The following GLRB variants were observed in gnomAD, a reference collection of about 807,000 sequenced individuals.
GLRB encodes the protein glycine receptor beta.
A neutral mutation model predicts 54.2 loss-of-function variants in GLRB; 33 were observed. The ratio of observed to expected loss-of-function variants is 0.61; its 90% confidence interval spans 0.46 to 0.81. The LOEUF (loss-of-function observed/expected upper bound fraction) is 0.81. GLRB is among the 40% of genes least tolerant of loss of function. The pLI is 0.00. For missense variants in GLRB, 572 were observed against 584.6 expected (o/e 0.98, Z 0.22); for synonymous variants, 209 against 208.2 (o/e 1.00, Z -0.03).
chr4:157,117,070 C>T (rs1365680227), intron 2 of GLRB, among the ~76,000 whole-genome samples: 1 of 151,534 alleles, frequency 6.6e-6, no homozygotes, highest in African/African-American at 2.4e-5. Flanking sequence ...AGTTGAAAAA[C>T]ATTTGGAGAT....
chr4:157,159,928 C>G (rs1471583235), intron 9 of GLRB, among the ~76,000 whole-genome samples: 3 of 152,102 alleles, frequency 2.0e-5, no homozygotes, highest in African/African-American at 7.2e-5. Context: ...CTCTTTGTAC[C>G]TCTGGTAGAA....
At chr4:157,130,383 T>A (rs906365591) in intron 4 of GLRB, among the ~76,000 whole-genome samples, 7 of 151,712 alleles carry the variant, frequency 4.6e-5, no homozygotes, top group African/African-American at 1.7e-4. Context: ...TTCTTAGGAT[T>A]TTTTTCTTTT....
chr4:157,149,370 C>T (rs1046326405), intron 8 of GLRB, among the ~76,000 whole-genome samples: 20 of 152,142 alleles, frequency 1.3e-4, no homozygotes, highest in African/African-American at 4.3e-4. Flanking sequence ...TAAGCTATTT[C>T]GCCAAGTATG....
At chr4:157,162,815 C>T (rs948071626) in intron 9 of GLRB, among the ~76,000 whole-genome samples, 18 of 152,184 alleles carry the variant, frequency 1.2e-4, no homozygotes, top group Non-Finnish European at 1.5e-5. Flanking sequence ...TCTGTCCATT[C>T]TCAGATCTCA....
chr4:157,095,510 T>C (rs1734778023), intron 2 of GLRB, among the ~76,000 whole-genome samples: 1 of 151,984 alleles, frequency 6.6e-6, no homozygotes, highest in African/African-American at 2.4e-5. Flanking sequence ...GAGGTATACA[T>C]TTAAAGAGTT....
At position 157,085,663 on chromosome 4, in the gene GLRB, A is replaced by AT. The variant is rs535849872; in HGVS notation, c.122+7524dup. ...AGGTGCGTGCCACCACACCCTGCCAATTTTTTTGTGTTTTCAGTAGAGATG... is the reference window on the plus strand; with the variant it reads ...AGGTGCGTGCCACCACACCCTGCCAATTTTTTTTGTGTTTTCAGTAGAGATG... On this transcript the variant is annotated intron_variant, in intron 2 of 9. Transcript: ENST00000264428. Among the ~76,000 whole-genome samples, 295 of 151,734 alleles carry AT rather than the reference A, an allele frequency of 1.9e-3. 1 individual carries two copies. Among genetic ancestry groups the AT allele is most frequent in the African/African-American group, 5.0e-3 (205 of 41,362 alleles).
chr4:157,164,394 A>G lies in GLRB; in HGVS notation c.1198-6038A>G, dbSNP rs564659405. Among the ~76,000 whole-genome samples the G allele has an allele frequency of 7.2e-4, 110 of 152,220 alleles. 1 individual carries two copies. Among genetic ancestry groups the G allele is most frequent in the African/African-American group, 2.5e-3 (105 of 41,544 alleles). ...TCTACCTGATTTTTTGACACTTGTT[A>G]TCTACTCCTCGATTTACATCTCCCT... On this transcript the variant is annotated intron_variant, in intron 9 of 9. Transcript: ENST00000264428.
chr4:157,117,738 G>A (rs1735658138), intron 2 of GLRB, among the ~76,000 whole-genome samples: 1 of 151,778 alleles, frequency 6.6e-6, no homozygotes, highest in Non-Finnish European at 1.5e-5. Flanking sequence ...AGAGATGGCA[G>A]ATTGGAAGTA....
intron 1 of GLRB, 43 bp downstream of exon 1, chr4:157,076,340 G>A (rs1368993612): frequency 2.6e-5 from 4 of 151,710 alleles, no homozygotes; most frequent in African/African-American, 7.2e-5. Flanking sequence ...GACGCGGGTT[G>A]GGGCGGCGAC....
chr4:157,123,456 A>G (rs1735905962), intron 4 of GLRB, among the ~76,000 whole-genome samples: 1 of 151,758 alleles, frequency 6.6e-6, no homozygotes, highest in Admixed American at 6.6e-5. Context: ...AGTGTTATTT[A>G]TTTGTAGAAG....
At chr4:157,128,700 T>C (rs2126548332) in intron 4 of GLRB, among the ~76,000 whole-genome samples, 1 of 151,962 alleles carries the variant, frequency 6.6e-6, no homozygotes, top group Non-Finnish European at 1.5e-5. Flanking sequence ...TAAGGTTTTA[T>C]TGAAGAATCT....
intron 7 of GLRB, among the ~76,000 whole-genome samples, chr4:157,142,704 C>T (rs1243062338): frequency 1.3e-5 from 2 of 151,952 alleles, no homozygotes; most frequent in Non-Finnish European, 2.9e-5. Flanking sequence ...ATTATTCTTT[C>T]CCCCATAATT....
intron 2 of GLRB, among the ~76,000 whole-genome samples, chr4:157,103,161 A>AC (rs200721813): frequency 2.2e-4 from 33 of 151,588 alleles, no homozygotes; most frequent in African/African-American, 4.6e-4. Context: ...AAAAAACAAA[A>AC]AAAAAAAAAA....
chr4:157,139,040 C>A (rs1736517103), intron 7 of GLRB, 91 bp downstream of exon 7: 1 of 704,076 alleles, frequency 1.4e-6, no homozygotes, highest in Non-Finnish European at 2.5e-6. Flanking sequence ...AAAGAAGTGG[C>A]CAAAACTTAA....
chr4:157,118,671 A>G lies in GLRB; in HGVS notation c.123-1885A>G, dbSNP rs538765324. 4.0e-5 allele frequency among the ~76,000 whole-genome samples: 6 copies of G among 151,752 alleles called. No homozygotes were observed. In the East Asian group the frequency reaches 1.2e-3, roughly 30 times the overall value. On this transcript the variant is annotated intron_variant, in intron 2 of 9. Transcript: ENST00000264428. ...TATCAATTCATAGTATTATTAAATT[A>G]TGTCATACATTTTTTTCTGTTATAT...
chr4:157,126,044 A>G (rs1350349241), intron 4 of GLRB, among the ~76,000 whole-genome samples: 1 of 151,874 alleles, frequency 6.6e-6, no homozygotes, highest in Non-Finnish European at 1.5e-5. Flanking sequence ...TAGATATAAC[A>G]TGAATAGCCA....
Position 157,120,568 on chromosome 4 carries a change from A to C in GLRB, c.135A>C (p.Ala45=). 6.3e-7 allele frequency: 1 copy of C among 1,581,500 alleles called. No homozygotes were observed. Among genetic ancestry groups the C allele is most frequent in the Non-Finnish European group, 8.7e-7 (1 of 1,152,268 alleles). ...KQYLCPSQQS[A]EDLARVPANS... ...CTCTCTCTTATAGTCAGCAGTCAGC[A>C]GAGGACCTTGCCCGAGTACCTGCCA... is the stretch of plus-strand genomic sequence containing the variant. The change falls in exon 3 of 10, where the codon GCA becomes GCC. Residue 45 remains alanine (A), a synonymous_variant. Coordinates refer to ENST00000264428, the MANE Select transcript of GLRB (RefSeq NM_000824.5).
At chr4:157,077,938 A>G (rs41280495) in intron 1 of GLRB, 58 bp from the exon 2 acceptor site, 18,098 of 1,115,508 alleles carry the variant, frequency 0.016, 199 homozygotes, top group African/African-American at 0.043. Context: ...TTAAAGGGAC[A>G]GTCATATAGT....
chr4:157,086,350 G>A (rs115998756), intron 2 of GLRB, among the ~76,000 whole-genome samples: 1,799 of 152,232 alleles, frequency 0.012, 22 homozygotes, highest in Non-Finnish European at 0.015. Flanking sequence ...TAGTGGTGTG[G>A]CTTACTAATG....
Sources: gnomAD v4.1 joint callset for allele counts (sites outside exome capture counted in the v4.1 genomes callset) on GRCh38, gnomAD v4.1.1 for gene constraint, MANE v1.5 for transcripts, NCBI Gene and HGNC (gene_info 2026-07-23, HGNC 2026-07-21) for gene names.